The following CAMTA1 variants were observed in gnomAD, a reference collection of about 807,000 sequenced individuals.
CAMTA1 encodes calmodulin binding transcription activator 1, also known as calmodulin-binding transcription activator 1.
Under a neutral mutation model 170.9 loss-of-function variants are expected in CAMTA1, and 27 were observed. The observed-to-expected ratio is 0.16, with a 90% CI of 0.12 to 0.22. The LOEUF (loss-of-function observed/expected upper bound fraction) is 0.22, where lower values mean the gene tolerates loss of function less well. CAMTA1 is among the 10% of genes least tolerant of loss of function. The probability of loss-of-function intolerance (pLI) is 1.00; values close to 1 mark genes in which losing one functional copy is unlikely to be tolerated. For synonymous variants in CAMTA1, 833 were observed against 891.5 expected, an observed-to-expected ratio of 0.93 and a Z score of 1.17; for missense variants, 1,619 against 2,217.2, an observed-to-expected ratio of 0.73 and a Z score of 5.42.
chr1:7,187,440 G>A (rs150347846), intron 4 of CAMTA1, among the ~76,000 whole-genome samples: 14 of 151,930 alleles, frequency 9.2e-5, no homozygotes, highest in East Asian at 3.9e-4. Flanking sequence ...TTTTTTTAAC[G>A]TCGTTACTTA....
intron 5 of CAMTA1, among the ~76,000 whole-genome samples, chr1:7,359,969 A>C: frequency 6.6e-6 from 1 of 152,042 alleles, no homozygotes; most frequent in East Asian, 1.9e-4. Flanking sequence ...GTTTCTTCTG[A>C]GGCTGGGAGG....
intron 5 of CAMTA1, among the ~76,000 whole-genome samples, chr1:7,465,517 G>A (rs2093190033): frequency 6.6e-6 from 1 of 152,174 alleles, no homozygotes; most frequent in Non-Finnish European, 1.5e-5. Context: ...TGCCACAGTG[G>A]TTAGAGGAGT....
In CAMTA1 at chr1:7,588,130, C is replaced by T. The variant is rs1438293315; in HGVS notation, c.511-52270C>T. Among the ~76,000 whole-genome samples the T allele has an allele frequency of 2.6e-5, 4 of 152,088 alleles. No individual in the cohort carries two copies. The highest frequency in any genetic ancestry group is 5.9e-5 in the Non-Finnish European group (4 of 68,038). On this transcript the variant is annotated intron_variant, in intron 6 of 22. Coordinates refer to ENST00000303635, the MANE Select transcript of CAMTA1 (RefSeq NM_015215.4). This position sits in a 1 kb window ranked among gnomAD's most constrained non-coding sequence, Gnocchi z 5.8. ...GTCACTGGGGCTATGGGACTAGACC[C>T]CAGGGCTGGGATCCCACAGAAAGTC... is the stretch of plus-strand genomic sequence containing the variant.
intron 4 of CAMTA1, among the ~76,000 whole-genome samples, chr1:7,105,858 C>T (rs1300230434): frequency 6.6e-6 from 1 of 151,820 alleles, no homozygotes; most frequent in Non-Finnish European, 1.5e-5. Flanking sequence ...GGAGGATCAC[C>T]TGAGCCCAGG....
chr1:7,530,734 G>A (rs1202664041), intron 6 of CAMTA1, among the ~76,000 whole-genome samples: 4 of 150,226 alleles, frequency 2.7e-5, no homozygotes, highest in South Asian at 2.1e-4. Context: ...CCTCCCAAAC[G>A]TCAGCTCCAT....
chr1:6,954,481 C>T (rs1449168835), intron 3 of CAMTA1, among the ~76,000 whole-genome samples: 2 of 152,222 alleles, frequency 1.3e-5, no homozygotes, highest in African/African-American at 4.8e-5. Context: ...CCTAGGCTGC[C>T]TCCAAATTGC....
intron 3 of CAMTA1, among the ~76,000 whole-genome samples, chr1:6,902,990 T>C (rs932515037): frequency 1.5e-4 from 23 of 152,330 alleles, no homozygotes; most frequent in Admixed American, 8.5e-4. Flanking sequence ...AATGAAAATA[T>C]ATGTTCCCAA....
intron 6 of CAMTA1, among the ~76,000 whole-genome samples, chr1:7,492,981 A>G (rs1041779169): frequency 1.3e-5 from 2 of 150,152 alleles, no homozygotes; most frequent in African/African-American, 2.5e-5. Flanking sequence ...GCTCAAACAC[A>G]AACATACAAA....
intron 5 of CAMTA1, among the ~76,000 whole-genome samples, chr1:7,427,980 A>T (rs775473235): frequency 3.3e-5 from 5 of 152,180 alleles, no homozygotes; most frequent in Non-Finnish European, 5.9e-5. Flanking sequence ...AGACCTGGCA[A>T]GGGAGGCTCC....
rs144246300 is a variant in CAMTA1, at chr1:7,738,740, A to G, written c.4182+258A>G. Among the ~76,000 whole-genome samples, 6 of 152,142 alleles carry G rather than the reference A, an allele frequency of 3.9e-5. No individual in the cohort carries two copies. The highest frequency in any genetic ancestry group is 5.9e-5 in the Non-Finnish European group (4 of 68,002). Reference sequence around the variant, plus strand: ...TCCCTCTTTGTACCAACTTCTCAGAACTCACTGAGGACCCTACAGTACGTC... The same window carrying G: ...TCCCTCTTTGTACCAACTTCTCAGAGCTCACTGAGGACCCTACAGTACGTC... On this transcript the variant is annotated intron_variant, in intron 16 of 22. Transcript: ENST00000303635. This position sits in a 1 kb window ranked among gnomAD's most constrained non-coding sequence, Gnocchi z 4.9.
intron 6 of CAMTA1, among the ~76,000 whole-genome samples, chr1:7,517,493 T>C (rs894663719): frequency 1.3e-5 from 2 of 152,228 alleles, no homozygotes; most frequent in African/African-American, 4.8e-5. Flanking sequence ...TTCTACTAAA[T>C]GTTAGCTCCT....
chr1:7,118,228 A>T (rs572652489), intron 4 of CAMTA1, among the ~76,000 whole-genome samples: 1 of 148,126 alleles, frequency 6.8e-6, no homozygotes, highest in African/African-American at 2.5e-5. Flanking sequence ...TGATGGAGGG[A>T]CTCTAGAGTT....
intron 3 of CAMTA1, among the ~76,000 whole-genome samples, chr1:6,888,994 A>G (rs1673940483): frequency 6.6e-6 from 1 of 152,212 alleles, no homozygotes; most frequent in Non-Finnish European, 1.5e-5. Flanking sequence ...TGTTCATTTC[A>G]GTGTAAACTT....
At chr1:7,510,113 CAGG>C (rs1329771394) in intron 6 of CAMTA1, among the ~76,000 whole-genome samples, 1 of 114,940 alleles carries the variant, frequency 8.7e-6, no homozygotes, top group Non-Finnish European at 2.1e-5. Flanking sequence ...ATTTTCACAT[CAGG>C]AGGAGATTCC....
In CAMTA1 at chr1:7,561,058, G is replaced by A. The variant is rs1451861047; in HGVS notation, c.511-79342G>A. On this transcript the variant is annotated intron_variant, in intron 6 of 22. Transcript: ENST00000303635. The surrounding 1 kb of genome is among the most constrained non-coding windows in gnomAD (Gnocchi z 5.3). ...TCTGCGCTCAGGCTCAGGGGGTGAC[G>A]CTGGGCTGGGCGCTTCCCATGAGGC... 6.6e-6 allele frequency among the ~76,000 whole-genome samples: 1 copy of A among 152,178 alleles called. No homozygotes were observed. Among genetic ancestry groups the A allele is most frequent in the African/African-American group, 2.4e-5 (1 of 41,450 alleles).
intron 5 of CAMTA1, among the ~76,000 whole-genome samples, chr1:7,446,556 T>G (rs888913775): frequency 1.3e-5 from 2 of 152,162 alleles, no homozygotes; most frequent in East Asian, 3.9e-4. Context: ...ACTTGCCTAC[T>G]GGGCGAATGA....
At chr1:7,629,598 T>C (rs2095655337) in intron 6 of CAMTA1, among the ~76,000 whole-genome samples, 1 of 152,230 alleles carries the variant, frequency 6.6e-6, no homozygotes, top group African/African-American at 2.4e-5. Flanking sequence ...TCTTCTCCCC[T>C]TTCTGAAGAC....
chr1:7,768,266 G>A lies in CAMTA1; in HGVS notation c.*1775G>A, dbSNP rs2097035658. Reference sequence around the variant, plus strand: ...CAGACTGGTCTTTTAGAGACGGCATGGTATATTACTATTTCCACATAATGA... The same window carrying A: ...CAGACTGGTCTTTTAGAGACGGCATAGTATATTACTATTTCCACATAATGA... On this transcript the variant is annotated 3_prime_UTR_variant, in exon 23 of 23. Coordinates refer to ENST00000303635, the MANE Select transcript of CAMTA1 (RefSeq NM_015215.4). The A allele has an allele frequency of 6.6e-6, 1 of 152,546 alleles. No homozygotes were observed. The highest frequency in any genetic ancestry group is 1.5e-5 in the Non-Finnish European group (1 of 67,996). 9.4% of individuals were successfully genotyped at this position (152,546 alleles called of 1,614,324 possible).
chr1:7,623,286 A>G (rs1345634983), intron 6 of CAMTA1, among the ~76,000 whole-genome samples: 2 of 152,186 alleles, frequency 1.3e-5, no homozygotes, highest in African/African-American at 4.8e-5. Flanking sequence ...GAATGAATGA[A>G]TGAATGAGGG....
Sources: gnomAD v4.1 joint callset for allele counts (sites outside exome capture counted in the v4.1 genomes callset) on GRCh38, gnomAD v4.1.1 for gene constraint, Gnocchi (gnomAD v3.1) non-coding constraint, MANE v1.5 for transcripts, NCBI Gene and HGNC (gene_info 2026-07-23, HGNC 2026-07-21) for gene names.